CDCP1: variants seen among roughly 807,000 people sequenced by gnomAD.
CDCP1 encodes CUB domain containing protein 1.
CDCP1 carries 29 observed loss-of-function variants against 60.2 expected under a neutral mutation model. The observed-to-expected ratio is 0.48, with a 90% CI of 0.36 to 0.66. CDCP1 has a LOEUF of 0.66. CDCP1 is among the 30% of genes least tolerant of loss of function. The pLI is 0.00. For synonymous variants in CDCP1, 387 were observed against 431.1 expected, an observed-to-expected ratio of 0.90 and a Z score of 1.27; for missense variants, 876 against 1,074.3, an observed-to-expected ratio of 0.82 and a Z score of 2.58.
intron 4 of CDCP1, among the ~76,000 whole-genome samples, chr3:45,104,228 G>C (rs1262293195): frequency 6.6e-6 from 1 of 152,242 alleles, no homozygotes; most frequent in Non-Finnish European, 1.5e-5. Context: ...CTGGGGGCAA[G>C]ACAGACTGCC....
At chr3:45,126,570 G>A (rs1182316513) in intron 1 of CDCP1, among the ~76,000 whole-genome samples, 1 of 152,160 alleles carries the variant, frequency 6.6e-6, no homozygotes, top group African/African-American at 2.4e-5. Flanking sequence ...TGAGGTGTAA[G>A]TCTTGCCAAC....
At chr3:45,126,171 T>TTTCTTTCC (rs1252108024) in intron 1 of CDCP1, among the ~76,000 whole-genome samples, 1,601 of 139,782 alleles carry the variant, frequency 0.011, 19 homozygotes, top group East Asian at 0.046. Flanking sequence ...TCTTTCTTTC[T>TTTCTTTCC]TTCCTTCTTT....
intron 4 of CDCP1, among the ~76,000 whole-genome samples, chr3:45,100,612 G>A (rs889113306): frequency 6.6e-6 from 1 of 152,098 alleles, no homozygotes; most frequent in Non-Finnish European, 1.5e-5. Flanking sequence ...AATGTTATAC[G>A]ATATTTTTTC....
intron 4 of CDCP1, among the ~76,000 whole-genome samples, chr3:45,097,542 A>G (rs1365163180): frequency 6.6e-6 from 1 of 151,628 alleles, no homozygotes; most frequent in African/African-American, 2.4e-5. Flanking sequence ...CAGATTAGGA[A>G]GGCGCCTGTG....
chr3:45,122,854 C>T (rs1416959609), intron 1 of CDCP1, among the ~76,000 whole-genome samples: 1 of 152,162 alleles, frequency 6.6e-6, no homozygotes, highest in East Asian at 1.9e-4. Flanking sequence ...GTGCAAATGA[C>T]TTAATGATAA....
chr3:45,109,624 C>A (rs559772176), intron 4 of CDCP1, among the ~76,000 whole-genome samples: 1 of 151,958 alleles, frequency 6.6e-6, no homozygotes, highest in Non-Finnish European at 1.5e-5. Flanking sequence ...AAAATCTGCA[C>A]GACACCCCTC....
intron 1 of CDCP1, among the ~76,000 whole-genome samples, chr3:45,145,157 CG>C (rs1443206158): frequency 6.6e-6 from 1 of 152,088 alleles, no homozygotes; most frequent in Non-Finnish European, 1.5e-5. Flanking sequence ...TTTGTAAAGA[CG>C]GCAGTCACCG....
chr3:45,120,923 TTC>T (rs1228359994), intron 1 of CDCP1, among the ~76,000 whole-genome samples: 1 of 646 alleles, frequency 1.5e-3, no homozygotes, highest in Non-Finnish European at 5.1e-3. Flanking sequence ...CCCCCACCAC[TTC>T]AGTCCTCCTG....
Position 45,118,576 on chromosome 3 carries a change from A to C in CDCP1, c.128T>G (p.Leu43Arg), listed in dbSNP as rs1698831722. Residue 43 changes from leucine to arginine, a missense_variant, in exon 2 of 9, where the codon CTC (leucine) becomes CGC (arginine). Leu to Arg is a moderately radical substitution (Grantham distance 102, BLOSUM62 -2). Transcript: ENST00000296129. The part of the protein sequence containing the change: ...ALPRESNITV[L>R]IKLGTPTLLA... Reference sequence around the variant, plus strand: ...CAGAGTCGGGGTCCCCAGCTTTATGAGAACTGTAATGTTGCTTTCTCGTGG... The same window carrying C: ...CAGAGTCGGGGTCCCCAGCTTTATGCGAACTGTAATGTTGCTTTCTCGTGG... The C allele has an allele frequency of 6.8e-6, 11 of 1,614,116 alleles. No homozygotes were observed. Among genetic ancestry groups the C allele is most frequent in the Non-Finnish European group, 9.3e-6 (11 of 1,180,032 alleles).
At chr3:45,112,956 T>C (rs1698725314) in intron 2 of CDCP1, among the ~76,000 whole-genome samples, 1 of 152,214 alleles carries the variant, frequency 6.6e-6, no homozygotes, top group Admixed American at 6.5e-5. Flanking sequence ...AAAAATCCTG[T>C]CTCAGGCTCT....
At chr3:45,120,916 CCACCACTT>C (rs11277933) in intron 1 of CDCP1, among the ~76,000 whole-genome samples, 146,889 of 151,944 alleles carry the variant, frequency 0.97, 71,070 homozygotes, top group South Asian at 0.98. Flanking sequence ...TCCCCTCCCC[CCACCACTT>C]CAGTCCTCCT....
At position 45,110,531 on chromosome 3, in the gene CDCP1, A is replaced by G; in HGVS notation, c.966T>C (p.Ser322=). The change falls in exon 4 of 9, where the codon AGT becomes AGC. Residue 322 remains serine (S), a synonymous_variant. Transcript: ENST00000296129. ...SLQGCDQDAQ[S]PGILRLQFQV... ...GGAACTGCAGCCGGAGGATCCCTGG[A>G]CTTTGGGCATCTTGGTCACAGCCTT... 6.2e-7 allele frequency: 1 copy of G among 1,614,128 alleles called. No individual in the cohort carries two copies. Among genetic ancestry groups the G allele is most frequent in the Non-Finnish European group, 8.5e-7 (1 of 1,180,008 alleles).
rs545810538 is a variant in CDCP1, at chr3:45,128,005, C to G, written c.83-9384G>C. Among the ~76,000 whole-genome samples the G allele has an allele frequency of 1.2e-4, 18 of 152,352 alleles. No homozygotes were observed. The East Asian group carries it at 3.5e-3, about 29-fold the overall frequency. On this transcript the variant is annotated intron_variant, in intron 1 of 8. Coordinates refer to ENST00000296129, the MANE Select transcript of CDCP1 (RefSeq NM_022842.5). Reference sequence around the variant, plus strand: ...CCCCAACGGCAGGTGCACCTCCCAACTGAAGATACTGTGCCACAGGTGGCT... The same window carrying G: ...CCCCAACGGCAGGTGCACCTCCCAAGTGAAGATACTGTGCCACAGGTGGCT...
intron 1 of CDCP1, among the ~76,000 whole-genome samples, chr3:45,135,111 C>T (rs1045292255): frequency 3.9e-5 from 6 of 152,038 alleles, no homozygotes; most frequent in African/African-American, 1.2e-4. Flanking sequence ...ACAGTCATTA[C>T]GGAAGGCGTT....
chr3:45,119,589 A>G (rs1698848866), intron 1 of CDCP1, among the ~76,000 whole-genome samples: 1 of 152,244 alleles, frequency 6.6e-6, no homozygotes, highest in Non-Finnish European at 1.5e-5. Context: ...GGGATCTGTT[A>G]TCGTGCTGGC....
chr3:45,103,570 G>C (rs1698518632), intron 4 of CDCP1, among the ~76,000 whole-genome samples: 1 of 152,158 alleles, frequency 6.6e-6, no homozygotes, highest in Non-Finnish European at 1.5e-5. Context: ...AGGTGTGGTC[G>C]GTCCCCAGTG....
At chr3:45,120,386 T>G (rs4290837) in intron 1 of CDCP1, among the ~76,000 whole-genome samples, 147,691 of 152,230 alleles carry the variant, frequency 0.97, 71,716 homozygotes, top group Non-Finnish European at 0.99. Flanking sequence ...GTTTATCGTT[T>G]GCCTTTTGAC....
At chr3:45,123,623 T>C (rs1412314785) in intron 1 of CDCP1, among the ~76,000 whole-genome samples, 3 of 152,146 alleles carry the variant, frequency 2.0e-5, no homozygotes, top group Non-Finnish European at 4.4e-5. Context: ...ATACTTGAAA[T>C]GTGGACTCTC....
chr3:45,135,332 T>C (rs1699175508), intron 1 of CDCP1, among the ~76,000 whole-genome samples: 1 of 150,778 alleles, frequency 6.6e-6, no homozygotes, highest in South Asian at 2.1e-4. Flanking sequence ...TGGTTCTTCC[T>C]GAAAGGGAGA....
Sources: gnomAD v4.1 joint callset for allele counts (sites outside exome capture counted in the v4.1 genomes callset) on GRCh38, gnomAD v4.1.1 for gene constraint, MANE v1.5 for transcripts, NCBI Gene and HGNC (gene_info 2026-07-23, HGNC 2026-07-21) for gene names.